The following KLF13 variants were observed in gnomAD, a reference collection of about 807,000 sequenced individuals.
The protein encoded by KLF13 is KLF transcription factor 13.
In KLF13, 8 loss-of-function variants were observed where a neutral mutation model predicts 16.7. That is an observed-to-expected ratio of 0.48 (90% confidence interval 0.28 to 0.87). The LOEUF (loss-of-function observed/expected upper bound fraction) is 0.87. Ranked by LOEUF, KLF13 falls within the 40% of genes least tolerant of loss-of-function variation. The pLI is 0.10. For synonymous variants in KLF13, 245 were observed against 208.4 expected (o/e 1.18, Z -1.51); for missense variants, 447 against 452.2 (o/e 0.99, Z 0.10).
chr15:31,410,133 T>A (rs1232829479), intron 1 of KLF13, among the ~76,000 whole-genome samples: 2 of 152,022 alleles, frequency 1.3e-5, no homozygotes, highest in African/African-American at 4.8e-5. Flanking sequence ...AATATAACAA[T>A]AAGCTCCTTA....
chr15:31,391,859 G>C (rs956994789), upstream of KLF13, among the ~76,000 whole-genome samples: 3 of 152,130 alleles, frequency 2.0e-5, no homozygotes, highest in Non-Finnish European at 2.9e-5. Flanking sequence ...GCTCTAGTAA[G>C]TTCCTGGAAT....
intron 1 of KLF13, among the ~76,000 whole-genome samples, chr15:31,349,662 C>T (rs2039184909): frequency 6.6e-6 from 1 of 152,184 alleles, no homozygotes; most frequent in East Asian, 1.9e-4. Flanking sequence ...CTGGTGTCTG[C>T]AGGAGAAGTC....
chr15:31,423,164 T>C (rs11071014), intron 1 of KLF13, among the ~76,000 whole-genome samples: 9,969 of 22,544 alleles, frequency 0.44, 1,604 homozygotes, highest in African/African-American at 0.48. Context: ...CGTATATATA[T>C]GTATATATAT....
intron 1 of KLF13, among the ~76,000 whole-genome samples, chr15:31,334,579 C>T (rs1471860525): frequency 1.3e-5 from 2 of 152,138 alleles, no homozygotes; most frequent in African/African-American, 4.8e-5. Flanking sequence ...AGGCGCCTGC[C>T]ACCGTGCCCA....
At chr15:31,371,971 C>T in intron 1 of KLF13, 39 bp from the exon 2 acceptor site, 2 of 1,549,808 alleles carry the variant, frequency 1.3e-6, no homozygotes, top group Non-Finnish European at 8.7e-7. Context: ...GAAGGCGGGG[C>T]CAGGTGCGGA....
chr15:31,397,360 A>T (rs1389328741), intron 2 of KLF13, among the ~76,000 whole-genome samples: 1 of 152,240 alleles, frequency 6.6e-6, no homozygotes, highest in Non-Finnish European at 1.5e-5. Context: ...TTACGAGCCC[A>T]GAGAGCCGCC....
At chr15:31,403,228 T>C (rs905939466) in intron 2 of KLF13, among the ~76,000 whole-genome samples, 5 of 152,220 alleles carry the variant, frequency 3.3e-5, no homozygotes, top group Non-Finnish European at 7.3e-5. Context: ...CTGGTCCGGA[T>C]AACTCTGGGC....
Position 31,385,562 on chromosome 15 carries a change from C to T in KLF13, n.224-49808C>T, listed in dbSNP as rs2039785718. 2.0e-5 allele frequency among the ~76,000 whole-genome samples: 3 copies of T among 152,176 alleles called. No individual in the cohort carries two copies. In the South Asian group the frequency reaches 6.2e-4, roughly 32 times the overall value. ...TCTCAAAATATTTCAAACATTTTTA[C>T]TATTATTACATCTATTATGGTGATC... is the stretch of plus-strand genomic sequence containing the variant. On this transcript the variant is annotated intron_variant and non_coding_transcript_variant, in intron 1 of 1. Coordinates refer to the KLF13 transcript ENST00000558921.
In KLF13 at chr15:31,327,508, C is replaced by A; in HGVS notation, c.296C>A (p.Pro99Gln). The change falls in exon 1 of 2, where the codon CCG becomes CAG. Residue 99 changes from proline to glutamine, a missense_variant. Physicochemically the swap from Pro to Gln is moderately conservative, Grantham distance 76. Around this residue, in one of 2 missense-constraint regions of KLF13, gnomAD observed 359 missense variants for 282.8 expected, o/e 1.27. Coordinates refer to ENST00000307145, the MANE Select transcript of KLF13 (RefSeq NM_015995.4). ...ARKARTPCRL[P>Q]PPAPEPTSPG... Reference sequence around the variant, plus strand: ...AAGGCGAGGACCCCCTGCCGCCTGCCGCCGCCCGCCCCCGAGCCCACCTCC... The same window carrying A: ...AAGGCGAGGACCCCCTGCCGCCTGCAGCCGCCCGCCCCCGAGCCCACCTCC... 16 of 1,140,398 alleles carry A rather than the reference C, an allele frequency of 1.4e-5. No individual in the cohort carries two copies. Among genetic ancestry groups the A allele is most frequent in the Non-Finnish European group, 1.7e-5 (16 of 931,402 alleles). 70.6% of individuals were successfully genotyped at this position (1,140,398 alleles called of 1,614,324 possible). A position where few individuals can be genotyped will look rare whatever the true frequency, so the allele number is the denominator to read the frequency against.
chr15:31,423,176 C>CACGTATATATACGTATATATACACGT lies in KLF13; in HGVS notation n.118-12193_118-12192insCGTATATATACGTATATATACACGTA, dbSNP rs1555383378. Among the ~76,000 whole-genome samples, 5 of 17,006 alleles carry CACGTATATATACGTATATATACACGT rather than the reference C, an allele frequency of 2.9e-4. 1 individual carries two copies. Among genetic ancestry groups the CACGTATATATACGTATATATACACGT allele is most frequent in the Non-Finnish European group, 4.9e-4 (5 of 10,212 alleles). 11.2% of individuals were successfully genotyped at this position (17,006 alleles called of 152,430 possible). On this transcript the variant is annotated intron_variant and non_coding_transcript_variant, in intron 1 of 1. Coordinates refer to the KLF13 transcript ENST00000558225. ...ATACGTATATATATGTATATATATA[C>CACGTATATATACGTATATATACACGT]ATATATACGTATATATATATATCAG...
chr15:31,422,845 G>A (rs2040345170), intron 1 of KLF13, among the ~76,000 whole-genome samples: 1 of 151,874 alleles, frequency 6.6e-6, no homozygotes, highest in East Asian at 1.9e-4. Flanking sequence ...GACCAGCCTG[G>A]CCAACATGGC....
chr15:31,368,938 C>CT (rs1356992830), intron 1 of KLF13, among the ~76,000 whole-genome samples: 1 of 152,144 alleles, frequency 6.6e-6, no homozygotes, highest in African/African-American at 2.4e-5. Context: ...AGCAACACTT[C>CT]TTTTCTGATT....
chr15:31,329,596 G>A (rs2038790639), intron 1 of KLF13, among the ~76,000 whole-genome samples: 2 of 152,128 alleles, frequency 1.3e-5, no homozygotes, highest in South Asian at 4.1e-4. Flanking sequence ...CTGGCCCCGC[G>A]CGAGCCTCTT....
chr15:31,338,437 C>T (rs1367752822), intron 1 of KLF13, among the ~76,000 whole-genome samples: 1 of 152,230 alleles, frequency 6.6e-6, no homozygotes, highest in Admixed American at 6.5e-5. Flanking sequence ...GGAAGTAACC[C>T]AGTCTTGAGG....
chr15:31,433,209 G>C (rs2040493244), intron 1 of KLF13, among the ~76,000 whole-genome samples: 1 of 152,202 alleles, frequency 6.6e-6, no homozygotes, highest in South Asian at 2.1e-4. Flanking sequence ...TACCCACTGA[G>C]TACTGTGCCC....
downstream of KLF13, among the ~76,000 whole-genome samples, chr15:31,380,265 A>T (rs1052004983): frequency 6.6e-6 from 1 of 152,186 alleles, no homozygotes; most frequent in East Asian, 1.9e-4. Flanking sequence ...GCACTTCAGC[A>T]TGGACAACAA....
chr15:31,352,068 G>T (rs2039225563), intron 1 of KLF13, among the ~76,000 whole-genome samples: 1 of 152,066 alleles, frequency 6.6e-6, no homozygotes, highest in East Asian at 1.9e-4. Context: ...CACTGTTTAA[G>T]TAGAGTTTAC....
chr15:31,423,139 G>GTATATATACGTATATA (rs1491468052), intron 1 of KLF13, among the ~76,000 whole-genome samples: 4 of 15,158 alleles, frequency 2.6e-4, no homozygotes, highest in African/African-American at 9.1e-4. Flanking sequence ...ATACGTATAC[G>GTATATATACGTATATA]TATACGTATA....
At chr15:31,396,542 C>T (rs900932285) in intron 2 of KLF13, among the ~76,000 whole-genome samples, 2 of 152,126 alleles carry the variant, frequency 1.3e-5, no homozygotes, top group South Asian at 2.1e-4. Flanking sequence ...CTTAGGGAGT[C>T]GAAGCTGTCT....
Sources: allele counts gnomAD v4.1 joint callset (sites outside exome capture counted in the v4.1 genomes callset), GRCh38; gene constraint gnomAD v4.1.1; regional missense constraint gnomAD v4.1.1; transcripts MANE v1.5; gene names NCBI Gene and HGNC (gene_info 2026-07-23, HGNC 2026-07-21).